TRIML2: variants seen among roughly 807,000 people sequenced by gnomAD.
The protein encoded by TRIML2 is tripartite motif family like 2.
A neutral mutation model predicts 31.2 loss-of-function variants in TRIML2; 28 were observed. That is an observed-to-expected ratio of 0.90 (90% CI 0.66 to 1.23). TRIML2 has a LOEUF of 1.23. TRIML2 is among the 50% of genes most tolerant of loss of function. The probability of loss-of-function intolerance (pLI) is 0.00; values close to 1 mark genes in which losing one functional copy is unlikely to be tolerated. For synonymous variants in TRIML2, 187 were observed against 197.5 expected (o/e 0.95, Z 0.45); for missense variants, 536 against 528.3 (o/e 1.01, Z -0.14).
chr4:188,101,122 T>G lies in TRIML2; in HGVS notation c.414A>C (p.Glu138Asp). 6.2e-7 allele frequency: 1 copy of G among 1,613,932 alleles called. No homozygotes were observed. The highest frequency in any genetic ancestry group is 8.5e-7 in the Non-Finnish European group (1 of 1,179,936). ...GCTTGATCGCTTGATTCAGAAGGGT[T>G]TCTCTCAGGTTCAAGTCAGATATGC... ...QECISDLNLR[E>D]TLLNQAIKLA... The change falls in exon 4 of 8, where the codon GAA (glutamate) becomes GAC (aspartate). Residue 138 changes from glutamate (E) to aspartate (D), a missense_variant. Physicochemically the swap from Glu to Asp is conservative, Grantham distance 45. Transcript: ENST00000682553.
intron 2 of TRIML2, 95 bp downstream of exon 2, chr4:188,105,085 C>T (rs1733969102): frequency 6.9e-7 from 1 of 1,458,638 alleles, no homozygotes; most frequent in African/African-American, 1.4e-5. Flanking sequence ...TAAACATCAA[C>T]TAAGGTAATG....
intron 4 of TRIML2, among the ~76,000 whole-genome samples, chr4:188,100,445 G>A (rs564881751): frequency 2.6e-5 from 4 of 152,286 alleles, no homozygotes; most frequent in East Asian, 1.9e-4. Flanking sequence ...ATTCTAGGCC[G>A]GGCGCGGTGG....
chr4:188,097,542 T>C lies in TRIML2; in HGVS notation c.622-196A>G, dbSNP rs78977766. Among the ~76,000 whole-genome samples the C allele has an allele frequency of 7.1e-3, 1,083 of 152,290 alleles. 14 individuals are homozygous for C. The highest frequency in any genetic ancestry group is 0.024 in the African/African-American group (1,014 of 41,548). ...AAAAATGCATGAAATCATTTTGTCG[T>C]AGTCCCAAGGGAAAGGTTTTCTATC... On this transcript the variant is annotated intron_variant, in intron 5 of 7. Transcript: ENST00000682553.
At chr4:188,106,253 G>A (rs966422408) in intron 1 of TRIML2, among the ~76,000 whole-genome samples, 54 of 152,072 alleles carry the variant, frequency 3.6e-4, no homozygotes, top group Admixed American at 2.2e-3. Context: ...GGGTTTCACC[G>A]TGTTAGCCAG....
In TRIML2 at chr4:188,099,082, C is replaced by A; in HGVS notation, c.574G>T (p.Val192Leu). ...TCCCCACACTTTTTCTCAAGCTCCA[C>A]GATGAGCTTTAGGAGGCTGCGGACC... The part of the protein sequence containing the change: ...EQVRSLLKLI[V>L]ELEKKCGEGT... Residue 192 changes from valine to leucine, a missense_variant, in exon 5 of 8, where the codon GTG (valine) becomes TTG (leucine). By Grantham distance (32) the Val-to-Leu change is conservative. Coordinates refer to ENST00000682553, the MANE Select transcript of TRIML2 (RefSeq NM_173553.4). The A allele has an allele frequency of 6.2e-7, 1 of 1,614,148 alleles. No homozygotes were observed.
At chr4:188,101,512 G>A (rs2111178188) in intron 3 of TRIML2, among the ~76,000 whole-genome samples, 1 of 151,716 alleles carries the variant, frequency 6.6e-6, no homozygotes. Flanking sequence ...TGGCCAGCAT[G>A]GTGAAACCCC....
intron 1 of TRIML2, chr4:188,105,833 T>C (rs2111191374): frequency 6.5e-6 from 1 of 154,074 alleles, no homozygotes; most frequent in East Asian, 1.9e-4. Context: ...AAACCACAAG[T>C]ATCTGAAAAA....
rs1733987558 is a variant in TRIML2, at chr4:188,105,472, C to T, written c.-104G>A. 1.3e-6 allele frequency: 1 copy of T among 796,970 alleles called. No individual in the cohort carries two copies. Among genetic ancestry groups the T allele is most frequent in the Non-Finnish European group, 1.8e-6 (1 of 540,706 alleles). The allele number at this position is 796,970 out of a possible 1,614,324, so 49.4% of individuals were successfully genotyped here. A position where few individuals can be genotyped will look rare whatever the true frequency, so the allele number is the denominator to read the frequency against. ...TGGTGGCTTCCTTTGTTTTCTGGAG[C>T]AGGCACACACACTTGGCAACTTCAG... On this transcript the variant is annotated 5_prime_UTR_variant, in exon 2 of 8. Coordinates refer to ENST00000682553, the MANE Select transcript of TRIML2 (RefSeq NM_173553.4).
intron 1 of TRIML2, among the ~76,000 whole-genome samples, chr4:188,106,220 T>G (rs975580970): frequency 6.6e-6 from 1 of 151,946 alleles, no homozygotes; most frequent in Non-Finnish European, 1.5e-5. Context: ...CGGCTAATTT[T>G]TTGTATTTTT....
chr4:188,104,246 C>T (rs1242091197), intron 3 of TRIML2, among the ~76,000 whole-genome samples: 1 of 152,188 alleles, frequency 6.6e-6, no homozygotes, highest in African/African-American at 2.4e-5. Flanking sequence ...ATTTCTCTTA[C>T]CACGAACAAA....
chr4:188,094,271 C>A (rs1347834983), intron 7 of TRIML2, among the ~76,000 whole-genome samples: 3 of 152,042 alleles, frequency 2.0e-5, no homozygotes, highest in African/African-American at 7.2e-5. Flanking sequence ...CAGGTCTGAG[C>A]CAGTATAATA....
intron 3 of TRIML2, among the ~76,000 whole-genome samples, chr4:188,104,127 G>A (rs139870927): frequency 9.2e-5 from 14 of 152,198 alleles, no homozygotes; most frequent in African/African-American, 3.4e-4. Context: ...GCAACCAGAA[G>A]TACAAGAGAT....
rs1467880652 is a variant in TRIML2 at position 188,105,375 on chromosome 4, A to G, written c.-7T>C. ...GGCTGAGCCTTTTGGACATCCTGGT[A>G]GGGGTCCCTAGTTGAAGACTGGACT... On this transcript the variant is annotated 5_prime_UTR_variant, in exon 2 of 8. Coordinates refer to ENST00000682553, the MANE Select transcript of TRIML2 (RefSeq NM_173553.4). 6.4e-7 allele frequency: 1 copy of G among 1,558,710 alleles called. No homozygotes were observed. The highest frequency in any genetic ancestry group is 8.7e-7 in the Non-Finnish European group (1 of 1,148,958).
At chr4:188,101,842 A>G (rs1393792555) in intron 3 of TRIML2, among the ~76,000 whole-genome samples, 6 of 151,804 alleles carry the variant, frequency 4.0e-5, no homozygotes, top group Admixed American at 1.3e-4. Flanking sequence ...ATGTTCATCA[A>G]TGAATTGGCT....
At chr4:188,099,933 C>T (rs1733697986) in intron 4 of TRIML2, among the ~76,000 whole-genome samples, 1 of 148,206 alleles carries the variant, frequency 6.7e-6, no homozygotes, top group African/African-American at 2.5e-5. Context: ...TCCAAGTATA[C>T]TTTACATATA....
chr4:188,106,203 C>T (rs1253786888), intron 1 of TRIML2, among the ~76,000 whole-genome samples: 3 of 117,920 alleles, frequency 2.5e-5, no homozygotes, highest in African/African-American at 1.2e-4. Context: ...GCGCCCGCCA[C>T]CTCGCCCGGC....
At chr4:188,103,291 C>A (rs1004184142) in intron 3 of TRIML2, among the ~76,000 whole-genome samples, 1 of 152,146 alleles carries the variant, frequency 6.6e-6, no homozygotes, top group Non-Finnish European at 1.5e-5. Context: ...TGAGCCACCA[C>A]GACCAGCCTG....
intron 3 of TRIML2, among the ~76,000 whole-genome samples, chr4:188,104,614 C>G (rs773125574): frequency 1.5e-4 from 23 of 152,296 alleles, no homozygotes; most frequent in South Asian, 2.1e-4. Context: ...CCGCCCTCCT[C>G]AGCTTCCCAA....
chr4:188,104,804 T>G, intron 3 of TRIML2, 33 bp downstream of exon 3: 1 of 1,511,364 alleles, frequency 6.6e-7, no homozygotes, highest in Non-Finnish European at 9.2e-7. Context: ...ACTGGTAATT[T>G]CCCCCCAAGA....
Sources: allele counts gnomAD v4.1 joint callset (sites outside exome capture counted in the v4.1 genomes callset), GRCh38; gene constraint gnomAD v4.1.1; transcripts MANE v1.5; gene names NCBI Gene and HGNC (gene_info 2026-07-23, HGNC 2026-07-21).